Variants in MAST4 observed in about 807,000 individuals in gnomAD.
The protein encoded by MAST4 is microtubule associated serine/threonine kinase family member 4.
MAST4 carries 89 observed loss-of-function variants against 162.7 expected under a neutral mutation model. The observed-to-expected ratio is 0.55, with a 90% confidence interval of 0.46 to 0.65. The LOEUF (loss-of-function observed/expected upper bound fraction) is 0.65. Among genes scored for constraint, MAST4 ranks in the 30% least tolerant of loss-of-function variants. MAST4 has a pLI of 0.00. For synonymous variants in MAST4, 1,479 were observed against 1,361.1 expected (o/e 1.09, Z -1.91); for missense variants, 3,153 against 3,374.0 (o/e 0.93, Z 1.62).
intron 1 of MAST4, among the ~76,000 whole-genome samples, chr5:66,663,230 G>A (rs1747023946): frequency 6.6e-6 from 1 of 152,104 alleles, no homozygotes; most frequent in Non-Finnish European, 1.5e-5. Context: ...TACATGGATT[G>A]TTTTAGTATC....
chr5:67,000,970 T>C (rs1209607756), intron 4 of MAST4, among the ~76,000 whole-genome samples: 3 of 152,194 alleles, frequency 2.0e-5, no homozygotes, highest in African/African-American at 7.2e-5. Context: ...AACAATGTCA[T>C]CCTGATTAAA....
At chr5:67,094,119 A>T (rs764829487) in intron 6 of MAST4, 1 of 1,384,526 alleles carries the variant, frequency 7.2e-7, no homozygotes, top group Non-Finnish European at 9.9e-7. Context: ...TCTTTTTTTT[A>T]ACATACTTGA....
rs1262388188 is a variant in MAST4, at chr5:66,919,257, A to G, written c.674+19275A>G. On this transcript the variant is annotated intron_variant, in intron 4 of 28. Coordinates refer to ENST00000403625, the MANE Select transcript of MAST4 (RefSeq NM_001164664.2). ...TAAGAAAAGAAGGGGAAATTAAGTTACTTGCATTAAGACCAAAAAAGGATA... is the reference window on the plus strand; with the variant it reads ...TAAGAAAAGAAGGGGAAATTAAGTTGCTTGCATTAAGACCAAAAAAGGATA... 5.9e-5 allele frequency among the ~76,000 whole-genome samples: 9 copies of G among 152,224 alleles called. No homozygotes were observed. The South Asian group carries it at 1.0e-3, about 17-fold the overall frequency.
rs373519662 is a variant in MAST4 at position 66,900,193 on chromosome 5, A to G, written c.674+211A>G. Among the ~76,000 whole-genome samples, 16 of 152,228 alleles carry G rather than the reference A, an allele frequency of 1.1e-4. No homozygotes were observed. In the East Asian group the frequency reaches 1.3e-3, roughly 13 times the overall value. ...ATATGGGCATTGCAAACCTAAATGT[A>G]TATTTATTCCTCGGAGAATCTTAAT... On this transcript the variant is annotated intron_variant, in intron 4 of 28. Transcript: ENST00000403625.
chr5:67,147,213 T>C (rs1262293297), intron 23 of MAST4, among the ~76,000 whole-genome samples: 2 of 151,970 alleles, frequency 1.3e-5, no homozygotes, highest in African/African-American at 4.8e-5. Flanking sequence ...TCAAAGGCCT[T>C]GGGGGCTGTG....
At chr5:66,620,543 A>T (rs1222760292) in intron 1 of MAST4, among the ~76,000 whole-genome samples, 1 of 152,190 alleles carries the variant, frequency 6.6e-6, no homozygotes, top group Non-Finnish European at 1.5e-5. Context: ...TTAGTAAAAC[A>T]AAACAATATG....
At chr5:66,976,846 A>G (rs560328337) in intron 4 of MAST4, among the ~76,000 whole-genome samples, 1 of 151,374 alleles carries the variant, frequency 6.6e-6, no homozygotes, top group South Asian at 2.1e-4. Flanking sequence ...GATTAAATAG[A>G]ATATGGATAA....
chr5:66,846,134 A>G (rs1758837692), intron 3 of MAST4, among the ~76,000 whole-genome samples: 1 of 152,178 alleles, frequency 6.6e-6, no homozygotes, highest in Admixed American at 6.5e-5. Context: ...CTTCAAACTT[A>G]GATACCTGGA....
chr5:66,778,208 TTTAAG>T (rs1754691932), intron 2 of MAST4, among the ~76,000 whole-genome samples: 1 of 152,218 alleles, frequency 6.6e-6, no homozygotes, highest in African/African-American at 2.4e-5. Context: ...AAAAATCAAT[TTTAAG>T]TTGTCACATT....
chr5:66,979,984 C>T (rs192543114), intron 4 of MAST4, among the ~76,000 whole-genome samples: 1 of 151,078 alleles, frequency 6.6e-6, no homozygotes, highest in Admixed American at 6.6e-5. Context: ...AGGGAAAATC[C>T]TCAGGCACCA....
At chr5:67,119,629 CTAAA>C (rs1405788137) in intron 13 of MAST4, among the ~76,000 whole-genome samples, 2 of 152,126 alleles carry the variant, frequency 1.3e-5, no homozygotes, top group African/African-American at 4.8e-5. Context: ...ATAGTAAGTG[CTAAA>C]TAAATGATAG....
chr5:67,003,079 C>G (rs939162633), intron 4 of MAST4, among the ~76,000 whole-genome samples: 15 of 150,414 alleles, frequency 1.0e-4, no homozygotes, highest in African/African-American at 3.7e-4. Flanking sequence ...AGCACAGGGA[C>G]ACTCTTTTGT....
chr5:67,000,190 TG>T (rs112766716), intron 4 of MAST4, among the ~76,000 whole-genome samples: 2,151 of 152,242 alleles, frequency 0.014, 56 homozygotes, highest in African/African-American at 0.05. Context: ...GCCCTGAAAA[TG>T]GGGATGGGAA....
chr5:67,083,900 C>T (rs1762944544), intron 5 of MAST4, among the ~76,000 whole-genome samples: 1 of 152,186 alleles, frequency 6.6e-6, no homozygotes. Flanking sequence ...TTAAAATCAA[C>T]TTTCTTCATC....
intron 1 of MAST4, among the ~76,000 whole-genome samples, chr5:66,633,232 T>C (rs1744900965): frequency 6.6e-6 from 1 of 152,242 alleles, no homozygotes; most frequent in African/African-American, 2.4e-5. Flanking sequence ...AATCTGGTCA[T>C]GCATGTAGCT....
At chr5:66,740,141 A>G (rs1158746013) in intron 1 of MAST4, among the ~76,000 whole-genome samples, 1 of 152,112 alleles carries the variant, frequency 6.6e-6, no homozygotes, top group African/African-American at 2.4e-5. Flanking sequence ...GCCCTGCATA[A>G]AGTTGAAACC....
intron 1 of MAST4, among the ~76,000 whole-genome samples, chr5:66,756,447 G>C (rs770705711): frequency 3.3e-5 from 5 of 152,222 alleles, no homozygotes; most frequent in Admixed American, 6.5e-5. Context: ...CCCAGGCTTA[G>C]ATGCCCTTGA....
intron 4 of MAST4, among the ~76,000 whole-genome samples, chr5:66,948,450 C>T (rs1744282757): frequency 6.6e-6 from 1 of 152,098 alleles, no homozygotes; most frequent in Admixed American, 6.6e-5. Flanking sequence ...TACTTCTTTT[C>T]CACCTCCTGA....
intron 4 of MAST4, among the ~76,000 whole-genome samples, chr5:67,051,312 T>C (rs1392457014): frequency 6.6e-6 from 1 of 152,106 alleles, no homozygotes. Context: ...GGTGTGGCCA[T>C]GAACACCTGG....
Sources: allele counts gnomAD v4.1 joint callset (sites outside exome capture counted in the v4.1 genomes callset), GRCh38; gene constraint gnomAD v4.1.1; transcripts MANE v1.5; gene names NCBI Gene and HGNC (gene_info 2026-07-23, HGNC 2026-07-21).